Variants in GFRA2 observed in about 807,000 individuals in gnomAD.
GFRA2 encodes GDNF family receptor alpha 2, also known as GDNF family receptor alpha-2.
Under a neutral mutation model 48.3 loss-of-function variants are expected in GFRA2, and 17 were observed. The ratio of observed to expected loss-of-function variants is 0.35; its 90% CI spans 0.24 to 0.53. The LOEUF (loss-of-function observed/expected upper bound fraction) is 0.53, where lower values mean the gene tolerates loss of function less well. Ranked by LOEUF, GFRA2 falls within the 20% of genes least tolerant of loss-of-function variation. The pLI, the probability that GFRA2 is intolerant of heterozygous loss-of-function variation, is 0.93. For missense variants in GFRA2, 660 were observed against 637.3 expected, an observed-to-expected ratio of 1.04 and a Z score of -0.38; for synonymous variants, 305 against 257.2, an observed-to-expected ratio of 1.19 and a Z score of -1.78.
intron 1 of GFRA2, among the ~76,000 whole-genome samples, chr8:21,805,497 T>C (rs960533903): frequency 6.6e-6 from 1 of 151,978 alleles, no homozygotes; most frequent in Non-Finnish European, 1.5e-5. Flanking sequence ...CTTGGGGAGG[T>C]AGAGTCATGC....
In GFRA2 at chr8:21,788,107, C is replaced by G; in HGVS notation, c.40+13G>C. The G allele has an allele frequency of 6.6e-7, 1 of 1,520,108 alleles. No homozygotes were observed. Among genetic ancestry groups the G allele is most frequent in the Non-Finnish European group, 8.9e-7 (1 of 1,117,880 alleles). The allele number at this position is 1,520,108 out of a possible 1,614,324, so 94.2% of individuals were successfully genotyped here. On this transcript the variant is annotated intron_variant, in intron 1 of 8. Coordinates refer to ENST00000524240, the MANE Select transcript of GFRA2 (RefSeq NM_001495.5). Reference sequence around the variant, plus strand: ...TCGCCTCCCCCTCGAGCTCGCCGCCCGCAGGTACTCACCTAGAAAGAAGAA... The same window carrying G: ...TCGCCTCCCCCTCGAGCTCGCCGCCGGCAGGTACTCACCTAGAAAGAAGAA...
intron 3 of GFRA2, among the ~76,000 whole-genome samples, chr8:21,772,423 C>T (rs1231349062): frequency 2.6e-5 from 4 of 152,286 alleles, no homozygotes. Context: ...CCCACCTTGG[C>T]CTCCAAAAGT....
At chr8:21,754,218 G>A (rs1012871339) in intron 3 of GFRA2, among the ~76,000 whole-genome samples, 6 of 152,196 alleles carry the variant, frequency 3.9e-5, no homozygotes, top group African/African-American at 1.4e-4. Context: ...AGACAGGGCT[G>A]TGCTCAGTGC....
intron 3 of GFRA2, among the ~76,000 whole-genome samples, chr8:21,753,951 T>C (rs1794981944): frequency 2.6e-5 from 4 of 152,198 alleles, no homozygotes; most frequent in Admixed American, 1.3e-4. Context: ...CCTTTGCACT[T>C]ACTGTCCCCT....
At position 21,788,684 on chromosome 8, in the gene GFRA2, T is replaced by G. The variant is rs775483075; in HGVS notation, c.-525A>C. On this transcript the variant is annotated 5_prime_UTR_variant, in exon 1 of 9. Transcript: ENST00000524240. ...AGTCGGAGCTTCGAGGACGAGAGAC[T>G]GGAGTCGCTTCTTTCGCACCAAGAC... is the stretch of plus-strand genomic sequence containing the variant. 2 of 985,730 alleles carry G rather than the reference T, an allele frequency of 2.0e-6. No homozygotes were observed. Among genetic ancestry groups the G allele is most frequent in the Non-Finnish European group, 2.4e-6 (2 of 830,092 alleles). 61.1% of individuals were successfully genotyped at this position (985,730 alleles called of 1,614,324 possible). A position where few individuals can be genotyped will look rare whatever the true frequency, so the allele number is the denominator to read the frequency against.
upstream of GFRA2, among the ~76,000 whole-genome samples, chr8:21,793,855 T>C (rs1032138408): frequency 4.7e-5 from 7 of 148,996 alleles, no homozygotes; most frequent in Non-Finnish European, 7.4e-5. Flanking sequence ...AAAAAAATCA[T>C]GAGAATCAAA....
chr8:21,808,037 C>T (rs1807904275), intron 1 of GFRA2, among the ~76,000 whole-genome samples: 1 of 152,218 alleles, frequency 6.6e-6, no homozygotes, highest in Non-Finnish European at 1.5e-5. Flanking sequence ...TGTGTCAGGG[C>T]TTCCACATAT....
At chr8:21,765,357 C>T (rs1216587321) in intron 3 of GFRA2, among the ~76,000 whole-genome samples, 3 of 152,036 alleles carry the variant, frequency 2.0e-5, no homozygotes. Context: ...GAGATCCACC[C>T]GCCTCAGCCT....
chr8:21,752,850 T>C (rs1188631585), intron 3 of GFRA2, among the ~76,000 whole-genome samples: 1 of 152,104 alleles, frequency 6.6e-6, no homozygotes, highest in Non-Finnish European at 1.5e-5. Flanking sequence ...CTCTTATTCA[T>C]ACACTGCCAA....
At position 21,804,195 on chromosome 8, in the gene GFRA2, T is replaced by C. The variant is rs994269218; in HGVS notation, c.-36+822A>G. Among the ~76,000 whole-genome samples, 37 of 132,538 alleles carry C rather than the reference T, an allele frequency of 2.8e-4. 1 individual carries two copies. The highest frequency in any genetic ancestry group is 1.3e-3 in the African/African-American group (35 of 27,526). The allele number at this position is 132,538 out of a possible 152,430, so 87.0% of individuals were successfully genotyped here. On this transcript the variant is annotated intron_variant, in intron 2 of 10. Transcript: ENST00000517328. ...AATGGAGTCACTAATTTTACATACA[T>C]ACATGCACACACACACACACACACA...
chr8:21,750,231 T>G lies in GFRA2; in HGVS notation c.794+357A>C, dbSNP rs1805223100. Among the ~76,000 whole-genome samples the G allele has an allele frequency of 6.6e-6, 1 of 152,112 alleles. No homozygotes were observed. The highest frequency in any genetic ancestry group is 2.1e-4 in the South Asian group (1 of 4,828). On this transcript the variant is annotated intron_variant, in intron 4 of 8. Coordinates refer to ENST00000524240, the MANE Select transcript of GFRA2 (RefSeq NM_001495.5). The surrounding 1 kb of genome is among the most constrained non-coding windows in gnomAD (Gnocchi z 5.7). ...CGCTGGGATTACAGGCATGAGCCAC[T>G]GCACCCAAAGGTCTCTCATTCCAAG...
intron 4 of GFRA2, among the ~76,000 whole-genome samples, chr8:21,718,785 A>C (rs1585250463): frequency 6.6e-6 from 1 of 152,274 alleles, no homozygotes; most frequent in South Asian, 2.1e-4. Context: ...AGCCCTAGAG[A>C]GGTTAATTAA....
At chr8:21,795,400 T>C (rs1250232649) in intron 2 of GFRA2, among the ~76,000 whole-genome samples, 3 of 151,962 alleles carry the variant, frequency 2.0e-5, no homozygotes, top group Non-Finnish European at 4.4e-5. Context: ...ATTTATTTAT[T>C]TTTTTTATTT....
intron 1 of GFRA2, among the ~76,000 whole-genome samples, chr8:21,805,656 T>A (rs1380886054): frequency 6.6e-6 from 1 of 152,188 alleles, no homozygotes; most frequent in African/African-American, 2.4e-5. Context: ...TAAAGCAATT[T>A]GGCCCAAGCT....
chr8:21,808,370 C>T lies in GFRA2; in HGVS notation c.-147-3242G>A, dbSNP rs1585356167. ...GCATTTGCATAGCAATTTTTCTTAT[C>T]AGAGCACAGTCTCATTTTATCCTTC... On this transcript the variant is annotated intron_variant, in intron 1 of 10. Transcript: ENST00000517328. 3.3e-5 allele frequency among the ~76,000 whole-genome samples: 5 copies of T among 152,292 alleles called. 1 individual carries two copies. Among genetic ancestry groups the T allele is most frequent in the Admixed American group, 3.3e-4 (5 of 15,300 alleles).
upstream of GFRA2, chr8:21,789,991 A>T: frequency 1.2e-6 from 1 of 810,292 alleles, no homozygotes; most frequent in Non-Finnish European, 1.5e-6. Context: ...CCGGCTCCCT[A>T]GGCTCCGGGG....
At position 21,775,027 on chromosome 8, in the gene GFRA2, A is replaced by G; in HGVS notation, c.384T>C (p.Tyr128=). 1.2e-6 allele frequency: 2 copies of G among 1,602,902 alleles called. No individual in the cohort carries two copies. The highest frequency in any genetic ancestry group is 1.7e-6 in the Non-Finnish European group (2 of 1,170,124). ...CCGAGAGGCGGGAGGTCACCGGCTC[A>G]TAGGGGGAGGCTTCGTAGAACTCCT... is the stretch of plus-strand genomic sequence containing the variant. ...EGEEFYEASP[Y]EPVTSRLSDI... Residue 128 remains tyrosine (Y), a synonymous_variant, in exon 3 of 9, where the codon TAT becomes TAC. Coordinates refer to ENST00000524240, the MANE Select transcript of GFRA2 (RefSeq NM_001495.5).
rs370804152 is a variant in GFRA2, at chr8:21,750,579, G to T, written c.794+9C>A. The T allele has an allele frequency of 1.9e-6, 3 of 1,545,734 alleles. No homozygotes were observed. Among genetic ancestry groups the T allele is most frequent in the Non-Finnish European group, 2.7e-6 (3 of 1,131,066 alleles). ...CTGCCAGCACCACCGGGGCTGCCGC[G>T]GCACTCACCGACACAGGTGGTCAGT... On this transcript the variant is annotated intron_variant, in intron 4 of 8. Transcript: ENST00000524240. The surrounding 1 kb of genome is among the most constrained non-coding windows in gnomAD (Gnocchi z 5.7).
intron 4 of GFRA2, among the ~76,000 whole-genome samples, chr8:21,746,631 T>C (rs1401646399): frequency 6.6e-6 from 1 of 152,104 alleles, no homozygotes; most frequent in Non-Finnish European, 1.5e-5. Context: ...GAAGCTCATC[T>C]GCTTGGCTCA....
Sources: allele counts gnomAD v4.1 joint callset (sites outside exome capture counted in the v4.1 genomes callset), GRCh38; gene constraint gnomAD v4.1.1; non-coding constraint Gnocchi (gnomAD v3.1); transcripts MANE v1.5; gene names NCBI Gene and HGNC (gene_info 2026-07-23, HGNC 2026-07-21).